Variants in SOS1 observed in about 807,000 individuals in gnomAD.
The protein encoded by SOS1 is SOS Ras/Rac guanine nucleotide exchange factor 1, also known as son of sevenless homolog 1.
Under a neutral mutation model 157.6 loss-of-function variants are expected in SOS1, and 25 were observed. The observed-to-expected ratio is 0.16, with a 90% CI of 0.12 to 0.22. SOS1 has a LOEUF of 0.22. SOS1 is among the 10% of genes least tolerant of loss of function. The probability of loss-of-function intolerance (pLI) is 1.00; values close to 1 mark genes in which losing one functional copy is unlikely to be tolerated. For missense variants in SOS1, 1,237 were observed against 1,599.1 expected, an observed-to-expected ratio of 0.77 and a Z score of 3.86; for synonymous variants, 528 against 534.0, an observed-to-expected ratio of 0.99 and a Z score of 0.16.
At chr2:39,046,731 G>A (rs1354343919) in intron 6 of SOS1, among the ~76,000 whole-genome samples, 2 of 152,036 alleles carry the variant, frequency 1.3e-5, no homozygotes. Context: ...TTGAACTCCT[G>A]AGCTCAAGTG....
chr2:38,997,442 A>T lies in SOS1; in HGVS notation c.2792-17T>A, dbSNP rs773381792. 2.5e-6 allele frequency: 4 copies of T among 1,570,410 alleles called. No individual in the cohort carries two copies. In the African/African-American group the frequency reaches 5.5e-5, roughly 21 times the overall value. On this transcript the variant is annotated splice_polypyrimidine_tract_variant and intron_variant, in intron 17 of 22. Coordinates refer to ENST00000402219, the MANE Select transcript of SOS1 (RefSeq NM_005633.4). ...GATAAATTCCTAGAAGATATAATGG[A>T]ATGATTTCAAGGATAAAGAAGGAAA...
In SOS1 at chr2:39,003,070, A is replaced by AAAAAAACAAAAC. The variant is rs753466730; in HGVS notation, c.2791+3341_2791+3342insGTTTTGTTTTTT. Among the ~76,000 whole-genome samples the AAAAAAACAAAAC allele has an allele frequency of 1.8e-3, 170 of 96,316 alleles. 4 individuals are homozygous for AAAAAAACAAAAC. The highest frequency in any genetic ancestry group is 0.011 in the Admixed American group (101 of 8,976). The allele number at this position is 96,316 out of a possible 152,430, so 63.2% of individuals were successfully genotyped here. A position where few individuals can be genotyped will look rare whatever the true frequency, so the allele number is the denominator to read the frequency against. ...TGATAAAGTGAGACCTTGTATCAAAAAAAAAAAAGAACGTAGGGGTAGGGG... is the reference window on the plus strand; with the variant it reads ...TGATAAAGTGAGACCTTGTATCAAAAAAAAAACAAAACAAAAAAAAGAACGTAGGGGTAGGGG... On this transcript the variant is annotated intron_variant, in intron 17 of 22. Coordinates refer to ENST00000402219, the MANE Select transcript of SOS1 (RefSeq NM_005633.4).
chr2:39,057,770 G>A (rs1431356640), intron 3 of SOS1, among the ~76,000 whole-genome samples: 1 of 152,026 alleles, frequency 6.6e-6, no homozygotes, highest in African/African-American at 2.4e-5. Context: ...AGAGAATGAT[G>A]AATGCCTTTT....
chr2:39,067,785 G>A (rs779175908), intron 1 of SOS1, 32 bp from the exon 2 acceptor site: 11 of 1,601,146 alleles, frequency 6.9e-6, no homozygotes, highest in African/African-American at 2.7e-5. Context: ...ATTAAAATGT[G>A]GGTTCCATAT....
At chr2:38,989,842 C>T (rs1023191535) in intron 20 of SOS1, among the ~76,000 whole-genome samples, 1 of 151,918 alleles carries the variant, frequency 6.6e-6, no homozygotes, top group Non-Finnish European at 1.5e-5. Flanking sequence ...CTTTTATAGT[C>T]ATAAACATTT....
intron 1 of SOS1, among the ~76,000 whole-genome samples, chr2:39,110,920 G>A (rs1163273870): frequency 1.3e-5 from 2 of 152,174 alleles, no homozygotes; most frequent in Non-Finnish European, 2.9e-5. Flanking sequence ...GGCCAACATG[G>A]AGAAACCCCA....
chr2:39,124,320 C>T (rs987323757), upstream of SOS1: 1 of 152,346 alleles, frequency 6.6e-6, no homozygotes, highest in South Asian at 2.1e-4. Context: ...GACGGGTGCG[C>T]CCTGGCGCAG....
rs767945307 is a variant in SOS1 at position 38,991,224 on chromosome 2, G to GA, written c.3347-1911dup. On this transcript the variant is annotated intron_variant, in intron 20 of 22. Coordinates refer to ENST00000402219, the MANE Select transcript of SOS1 (RefSeq NM_005633.4). ...TGATAGAAACAAGCATTTTTCTATA[G>GA]AAAAAAAAAAAAAGATATGATAGAT... is the stretch of plus-strand genomic sequence containing the variant. Among the ~76,000 whole-genome samples, 771 of 127,202 alleles carry GA rather than the reference G, an allele frequency of 6.1e-3. 6 individuals carry two copies. The highest frequency in any genetic ancestry group is 8.0e-3 in the Middle Eastern group (2 of 250). 83.4% of individuals were successfully genotyped at this position (127,202 alleles called of 152,430 possible).
chr2:39,054,766 C>T lies in SOS1; in HGVS notation c.568G>A (p.Asp190Asn). The change falls in exon 5 of 23, where the codon GAC becomes AAC. Residue 190 changes from aspartate to asparagine, a missense_variant. This residue lies in a region of SOS1 where 108 missense variants were observed against 115.3 expected (regional missense o/e 0.94). Transcript: ENST00000402219. ...TCTCCTGAGGTGGAAGGCTCTTCGT[C>T]AGTTAAAGATAATATATTAATATCT... ...VEDINILSLT[D>N]EEPSTSGEQT... 1 of 1,584,978 alleles carries T rather than the reference C, an allele frequency of 6.3e-7. No individual in the cohort carries two copies. Among genetic ancestry groups the T allele is most frequent in the Non-Finnish European group, 8.7e-7 (1 of 1,153,642 alleles).
chr2:39,118,280 G>C (rs1392802432), intron 1 of SOS1, among the ~76,000 whole-genome samples: 1 of 152,182 alleles, frequency 6.6e-6, no homozygotes. Flanking sequence ...ACACAAGTCG[G>C]ATGTATCTAC....
chr2:39,115,356 T>C (rs897212670), intron 1 of SOS1, among the ~76,000 whole-genome samples: 1 of 151,464 alleles, frequency 6.6e-6, no homozygotes, highest in Non-Finnish European at 1.5e-5. Context: ...TTGAGTATAA[T>C]TATTTTGAGA....
At position 39,067,727 on chromosome 2, in the gene SOS1, G is replaced by A. The variant is rs1039971130; in HGVS notation, c.114C>T (p.Leu38=). The A allele has an allele frequency of 3.1e-6, 5 of 1,612,256 alleles. No individual in the cohort carries two copies. Among genetic ancestry groups the A allele is most frequent in the Non-Finnish European group, 4.2e-6 (5 of 1,178,370 alleles). Residue 38 remains leucine (L), a synonymous_variant, in exon 2 of 23, where the codon CTC becomes CTT. Transcript: ENST00000402219. ...KKVQGQVHPT[L]ESNDDALQYV... is the part of the protein sequence containing the mutation. Reference sequence around the variant, plus strand: ...ACTGAAGAGCATCATCATTAGACTCGAGAGTAGGATGAACTTGCCCCTGGA... The same window carrying A: ...ACTGAAGAGCATCATCATTAGACTCAAGAGTAGGATGAACTTGCCCCTGGA...
intron 1 of SOS1, among the ~76,000 whole-genome samples, chr2:39,077,369 C>T (rs1672044222): frequency 6.6e-6 from 1 of 150,626 alleles, no homozygotes; most frequent in Non-Finnish European, 1.5e-5. Flanking sequence ...AATTTTTAAA[C>T]TTTAATGAAT....
At chr2:39,051,392 GAC>G (rs1158988512) in intron 5 of SOS1, 105 bp from the exon 6 acceptor site, 5 of 994,952 alleles carry the variant, frequency 5.0e-6, no homozygotes, top group Admixed American at 3.7e-5. Flanking sequence ...TAACATGTCA[GAC>G]ACAGTGAAAA....
At position 39,015,908 on chromosome 2, in the gene SOS1, T is replaced by C. The variant is rs567999726; in HGVS notation, c.1859-1062A>G. Among the ~76,000 whole-genome samples, 4 of 149,306 alleles carry C rather than the reference T, an allele frequency of 2.7e-5. No homozygotes were observed. In the South Asian group the frequency reaches 6.4e-4, roughly 24 times the overall value. On this transcript the variant is annotated intron_variant, in intron 10 of 22. Transcript: ENST00000402219. The stretch of plus-strand genomic sequence containing the variant: ...TGTATTAGGGACTGGTAGACTCCAA[T>C]AGTAAATTCATAGAGGGTAGCAGAT...
At position 38,997,496 on chromosome 2, in the gene SOS1, G is replaced by A. The variant is rs114521469; in HGVS notation, c.2792-71C>T. On this transcript the variant is annotated intron_variant, in intron 17 of 22. Coordinates refer to ENST00000402219, the MANE Select transcript of SOS1 (RefSeq NM_005633.4). ...CAAGTTTTTTTCTGTTTCATTAATT[G>A]TGGGTATATTACACTGTACCATCTC... 0.019 allele frequency: 20,907 copies of A among 1,081,998 alleles called. 268 individuals carry two copies. Among genetic ancestry groups the A allele is most frequent in the Middle Eastern group, 0.029 (138 of 4,684 alleles). The allele number at this position is 1,081,998 out of a possible 1,614,324, so 67.0% of individuals were successfully genotyped here. A position where few individuals can be genotyped will look rare whatever the true frequency, so the allele number is the denominator to read the frequency against.
At chr2:39,000,817 G>C (rs1263650331) in intron 17 of SOS1, among the ~76,000 whole-genome samples, 1 of 152,198 alleles carries the variant, frequency 6.6e-6, no homozygotes, top group Admixed American at 6.5e-5. Flanking sequence ...TTCAGCAAAG[G>C]TTTTCGATTG....
chr2:38,990,986 A>G (rs1466658244), intron 20 of SOS1, among the ~76,000 whole-genome samples: 1 of 152,214 alleles, frequency 6.6e-6, no homozygotes, highest in Non-Finnish European at 1.5e-5. Flanking sequence ...TTTATTAAGC[A>G]TAATCCCAGA....
At chr2:39,081,536 G>A (rs1305050705) in intron 1 of SOS1, among the ~76,000 whole-genome samples, 1 of 151,534 alleles carries the variant, frequency 6.6e-6, no homozygotes, top group African/African-American at 2.4e-5. Context: ...AAAAGATAAA[G>A]GAAATTTGCC....
Sources: gnomAD v4.1 joint callset for allele counts (sites outside exome capture counted in the v4.1 genomes callset) on GRCh38, gnomAD v4.1.1 for gene constraint, gnomAD v4.1.1 regional missense constraint, MANE v1.5 for transcripts, NCBI Gene and HGNC (gene_info 2026-07-23, HGNC 2026-07-21) for gene names.